The following ADIG variants were observed in gnomAD, a reference collection of about 807,000 sequenced individuals.
The protein encoded by ADIG is adipogenin, also known as adipogenesis associated.
ADIG carries 12 observed loss-of-function variants against 10.7 expected under a neutral mutation model. That is an observed-to-expected ratio of 1.12 (90% CI 0.72 to 1.82). ADIG has a LOEUF of 1.82. ADIG is among the 40% of genes most tolerant of loss of function. The pLI is 0.00. For synonymous variants in ADIG, 32 were observed against 35.6 expected (o/e 0.90, Z 0.36); for missense variants, 72 against 92.5 (o/e 0.78, Z 0.91).
intron 1 of ADIG, chr20:38,585,489 GA>G: frequency 6.4e-7 from 1 of 1,550,590 alleles, no homozygotes; most frequent in Non-Finnish European, 8.7e-7. Flanking sequence ...ACAGCTTCAT[GA>G]CAAGCCATCA....
intron 1 of ADIG, among the ~76,000 whole-genome samples, chr20:38,582,459 G>T (rs1055164090): frequency 6.6e-6 from 1 of 152,180 alleles, no homozygotes; most frequent in African/African-American, 2.4e-5. Flanking sequence ...ATGACCTTTG[G>T]CAAGCTAGGC....
intron 1 of ADIG, among the ~76,000 whole-genome samples, chr20:38,582,636 G>C (rs6128478): frequency 1.1e-4 from 17 of 151,884 alleles, no homozygotes; most frequent in African/African-American, 3.4e-4. Context: ...TTTGTTTCTA[G>C]AAAGTGTTTA....
chr20:38,588,362 T>C lies in ADIG; in HGVS notation c.*276T>C, dbSNP rs1330932923. On this transcript the variant is annotated 3_prime_UTR_variant, in exon 3 of 3. Transcript: ENST00000537425. ...AGGCCCATGGGGAGAAATTGGCCAA[T>C]TTAATTCAGAGGGGTCTTAAAGCAG... The C allele has an allele frequency of 7.7e-7, 1 of 1,297,692 alleles. No individual in the cohort carries two copies. Among genetic ancestry groups the C allele is most frequent in the Non-Finnish European group, 1.0e-6 (1 of 985,480 alleles). The allele number at this position is 1,297,692 out of a possible 1,614,324, so 80.4% of individuals were successfully genotyped here. A position where few individuals can be genotyped will look rare whatever the true frequency, so the allele number is the denominator to read the frequency against.
intron 1 of ADIG, chr20:38,585,491 C>T: frequency 6.4e-7 from 1 of 1,550,622 alleles, no homozygotes; most frequent in Non-Finnish European, 8.7e-7. Flanking sequence ...AGCTTCATGA[C>T]AAGCCATCAG....
At chr20:38,585,315 T>C in intron 1 of ADIG, 1 of 1,076,180 alleles carries the variant, frequency 9.3e-7, no homozygotes. Flanking sequence ...AAGATGAGTC[T>C]GTTAGCAAAC....
At chr20:38,585,126 T>C (rs2088625092) in intron 1 of ADIG, among the ~76,000 whole-genome samples, 1 of 152,262 alleles carries the variant, frequency 6.6e-6, no homozygotes, top group Non-Finnish European at 1.5e-5. Flanking sequence ...AGGCCTGTGC[T>C]AAGTCCTGTG....
intron 2 of ADIG, among the ~76,000 whole-genome samples, chr20:38,587,798 C>A (rs144681509): frequency 3.4e-5 from 5 of 148,300 alleles, no homozygotes; most frequent in African/African-American, 1.2e-4. Flanking sequence ...AGTGCAGTAG[C>A]GCAATCTCAG....
At chr20:38,587,740 CT>C (rs11477039) in intron 2 of ADIG, among the ~76,000 whole-genome samples, 74,699 of 127,114 alleles carry the variant, frequency 0.59, 23,016 homozygotes, top group East Asian at 0.9. Flanking sequence ...TCTTTTTTCC[CT>C]TTTTTTTTTT....
chr20:38,585,319 A>G, intron 1 of ADIG: 1 of 1,145,304 alleles, frequency 8.7e-7, no homozygotes, highest in East Asian at 2.6e-5. Flanking sequence ...TGAGTCTGTT[A>G]GCAAACTCAT....
At chr20:38,586,293 TC>T in intron 2 of ADIG, 132 bp downstream of exon 2, 1 of 696,916 alleles carries the variant, frequency 1.4e-6, no homozygotes, top group Non-Finnish European at 2.4e-6. Context: ...ACGGGTTCTC[TC>T]CAGCATGTGA....
At chr20:38,588,064 A>G (rs571726573) in intron 2 of ADIG, 37 bp from the exon 3 acceptor site, 12 of 1,263,600 alleles carry the variant, frequency 9.5e-6, no homozygotes, top group African/African-American at 3.1e-5. Flanking sequence ...TCTCATCCCA[A>G]TGGCATCCCT....
At position 38,588,376 on chromosome 20, in the gene ADIG, G is replaced by C. The variant is rs773232152; in HGVS notation, c.*290G>C. The C allele has an allele frequency of 2.1e-5, 27 of 1,287,542 alleles. No homozygotes were observed. The highest frequency in any genetic ancestry group is 2.8e-5 in the Non-Finnish European group (27 of 980,322). The allele number at this position is 1,287,542 out of a possible 1,614,324, so 79.8% of individuals were successfully genotyped here. On this transcript the variant is annotated 3_prime_UTR_variant, in exon 3 of 3. Transcript: ENST00000537425. The stretch of plus-strand genomic sequence containing the variant: ...AAATTGGCCAATTTAATTCAGAGGG[G>C]TCTTAAAGCAGGGCTGGGCCGGAGG...
At chr20:38,586,228 G>T in intron 2 of ADIG, 67 bp downstream of exon 2, 1 of 1,315,860 alleles carries the variant, frequency 7.6e-7, no homozygotes. Flanking sequence ...GCTGCTATGT[G>T]GGCAAGAGGC....
intron 2 of ADIG, among the ~76,000 whole-genome samples, chr20:38,586,794 C>T (rs1202616799): frequency 2.0e-5 from 3 of 151,948 alleles, no homozygotes; most frequent in Non-Finnish European, 4.4e-5. Context: ...CTGAACCGTT[C>T]CCCTTCCACA....
At chr20:38,585,749 C>T (rs2088630465) in intron 1 of ADIG, 1 of 613,502 alleles carries the variant, frequency 1.6e-6, no homozygotes, top group Non-Finnish European at 2.9e-6. Context: ...CTTCCTGGAC[C>T]ATGTCCAGTA....
Position 38,581,332 on chromosome 20 carries a change from CTGT to C in ADIG, c.87_89del (p.Leu31del), listed in dbSNP as rs747991506. On this transcript the variant is annotated inframe_deletion, in exon 1 of 3. Transcript: ENST00000537425. ...CTGGTTCTGCCTCCCTGTGGGTTTG[CTGT>C]TGTTATTGATCATCTGGCTACGCTT... 12 of 1,614,012 alleles carry C rather than the reference CTGT, an allele frequency of 7.4e-6. No individual in the cohort carries two copies. The highest frequency in any genetic ancestry group is 1.3e-5 in the African/African-American group (1 of 75,064).
chr20:38,581,295 TTTC>T lies in ADIG; in HGVS notation c.46_48del (p.Phe16del). 6.2e-7 allele frequency: 1 copy of T among 1,613,974 alleles called. No homozygotes were observed. The highest frequency in any genetic ancestry group is 8.5e-7 in the Non-Finnish European group (1 of 1,179,892). On this transcript the variant is annotated inframe_deletion, in exon 1 of 3. Transcript: ENST00000537425. The stretch of plus-strand genomic sequence containing the variant: ...CGCTGGTGAACGACCTCACATTTTC[TTTC>T]CTGGTTTTCTGGTTCTGCCTCCCTG...
chr20:38,586,619 A>T (rs562461958), intron 2 of ADIG, among the ~76,000 whole-genome samples: 133 of 151,930 alleles, frequency 8.8e-4, no homozygotes, highest in African/African-American at 3.0e-3. Flanking sequence ...TGTAGTACTT[A>T]CCGCCTTCTA....
Position 38,588,413 on chromosome 20 carries a change from T to C in ADIG, c.*327T>C. ...GGCTGGGCCGGAGGGTGTGGGTCCATATTAAAGAAGCAAGGGTCTTCCCAT... is the reference window on the plus strand; with the variant it reads ...GGCTGGGCCGGAGGGTGTGGGTCCACATTAAAGAAGCAAGGGTCTTCCCAT... On this transcript the variant is annotated 3_prime_UTR_variant, in exon 3 of 3. Transcript: ENST00000537425. 5.7e-6 allele frequency: 7 copies of C among 1,227,594 alleles called. No homozygotes were observed. The South Asian group carries it at 8.9e-5, about 16-fold the overall frequency. The allele number at this position is 1,227,594 out of a possible 1,614,324, so 76.0% of individuals were successfully genotyped here. A position where few individuals can be genotyped will look rare whatever the true frequency, so the allele number is the denominator to read the frequency against.
Sources: gnomAD v4.1 joint callset for allele counts (sites outside exome capture counted in the v4.1 genomes callset) on GRCh38, gnomAD v4.1.1 for gene constraint, MANE v1.5 for transcripts, NCBI Gene and HGNC (gene_info 2026-07-23, HGNC 2026-07-21) for gene names.